The following RGS6 variants were observed in gnomAD, a reference collection of about 807,000 sequenced individuals.
RGS6 encodes the protein regulator of G protein signaling 6, also known as regulator of G-protein signaling 6.
In RGS6, 30 loss-of-function variants were observed where a neutral mutation model predicts 78.5. The observed-to-expected ratio is 0.38, with a 90% CI of 0.29 to 0.52. The LOEUF (loss-of-function observed/expected upper bound fraction) is 0.52. Ranked by LOEUF, RGS6 falls within the 20% of genes least tolerant of loss-of-function variation. The pLI is 0.85. For synonymous variants in RGS6, 206 were observed against 206.0 expected (o/e 1.00, Z 0.00); for missense variants, 495 against 609.7 (o/e 0.81, Z 1.98).
At chr14:72,422,485 T>C (rs1190985580) in intron 3 of RGS6, among the ~76,000 whole-genome samples, 2 of 152,214 alleles carry the variant, frequency 1.3e-5, no homozygotes, top group East Asian at 1.9e-4. Flanking sequence ...AAGTCCAAAC[T>C]GGAGCTGCAG....
intron 13 of RGS6, among the ~76,000 whole-genome samples, chr14:72,497,586 G>A (rs918665161): frequency 2.8e-4 from 43 of 151,858 alleles, no homozygotes; most frequent in African/African-American, 8.7e-4. Context: ...AAACATCATC[G>A]ATTTAAACAA....
At chr14:72,229,561 A>G (rs538007621) in intron 2 of RGS6, among the ~76,000 whole-genome samples, 1 of 152,122 alleles carries the variant, frequency 6.6e-6, no homozygotes, top group Non-Finnish European at 1.5e-5. Context: ...GATTCTGGCC[A>G]CAGCTCTCCC....
chr14:72,010,088 T>A (rs2085374339), intron 2 of RGS6, among the ~76,000 whole-genome samples: 2 of 152,218 alleles, frequency 1.3e-5, no homozygotes, highest in South Asian at 4.1e-4. Context: ...CCATGCCTCT[T>A]CTCTTTTACT....
At chr14:72,542,953 G>A (rs139496535) in intron 17 of RGS6, among the ~76,000 whole-genome samples, 85 of 151,602 alleles carry the variant, frequency 5.6e-4, no homozygotes, top group African/African-American at 1.9e-3. Context: ...GGTGACGAAG[G>A]GGCCTGGTAC....
chr14:71,883,716 C>A, the RGS6 span, among the ~76,000 whole-genome samples: 2 of 152,178 alleles, frequency 1.3e-5, no homozygotes, highest in Middle Eastern at 3.2e-3. Flanking sequence ...AAGATGGCAA[C>A]AAAAGTGACC....
At chr14:72,217,899 A>T (rs765387860) in intron 2 of RGS6, among the ~76,000 whole-genome samples, 7 of 152,210 alleles carry the variant, frequency 4.6e-5, no homozygotes, top group Non-Finnish European at 1.0e-4. Flanking sequence ...GTATTCACAC[A>T]CATTTACACA....
At chr14:72,510,583 C>T (rs191181760) in intron 14 of RGS6, among the ~76,000 whole-genome samples, 2 of 152,334 alleles carry the variant, frequency 1.3e-5, no homozygotes, top group South Asian at 2.1e-4. Flanking sequence ...TCATTAAGTA[C>T]AGCCATAGAA....
intron 2 of RGS6, among the ~76,000 whole-genome samples, chr14:72,121,747 C>A (rs1397981635): frequency 6.6e-6 from 1 of 152,120 alleles, no homozygotes; most frequent in African/African-American, 2.4e-5. Flanking sequence ...CTGCCCATCC[C>A]CAGTATCCCA....
intron 2 of RGS6, among the ~76,000 whole-genome samples, chr14:71,983,099 G>A (rs1216100277): frequency 6.6e-6 from 1 of 152,170 alleles, no homozygotes; most frequent in African/African-American, 2.4e-5. Flanking sequence ...AGATGAGAGA[G>A]GAGGATTCAG....
At chr14:72,111,553 T>C (rs778897552) in intron 2 of RGS6, among the ~76,000 whole-genome samples, 6 of 152,178 alleles carry the variant, frequency 3.9e-5, no homozygotes, top group Non-Finnish European at 8.8e-5. Flanking sequence ...AAAATACGCT[T>C]TGAACAACAA....
At chr14:72,574,270 G>A in the RGS6 span, among the ~76,000 whole-genome samples, 1 of 152,184 alleles carries the variant, frequency 6.6e-6, no homozygotes, top group Non-Finnish European at 1.5e-5. Context: ...CAGCTGGTGA[G>A]CCCACAGAAC....
At chr14:72,470,709 G>C (rs1328563045) in intron 8 of RGS6, among the ~76,000 whole-genome samples, 1 of 151,888 alleles carries the variant, frequency 6.6e-6, no homozygotes, top group East Asian at 1.9e-4. Context: ...GTGAAACCCC[G>C]TCTCTACTAA....
intron 2 of RGS6, among the ~76,000 whole-genome samples, chr14:72,010,965 A>G (rs966881486): frequency 6.6e-6 from 1 of 152,180 alleles, no homozygotes; most frequent in Non-Finnish European, 1.5e-5. Flanking sequence ...ATCTCTGCCC[A>G]CTCATTGCAG....
chr14:72,463,172 G>A (rs536394033), intron 6 of RGS6, among the ~76,000 whole-genome samples: 9 of 152,314 alleles, frequency 5.9e-5, no homozygotes, highest in African/African-American at 2.2e-4. Context: ...ATAGGTAAGG[G>A]TGGAATGCCA....
intron 2 of RGS6, among the ~76,000 whole-genome samples, chr14:72,047,764 G>A (rs938712500): frequency 6.6e-6 from 1 of 151,604 alleles, no homozygotes; most frequent in African/African-American, 2.4e-5. Context: ...TCTCGCTCTT[G>A]TCACCCAGGC....
At chr14:72,535,294 G>A (rs932802725) in intron 15 of RGS6, among the ~76,000 whole-genome samples, 1 of 152,240 alleles carries the variant, frequency 6.6e-6, no homozygotes, top group East Asian at 1.9e-4. Context: ...TTAGTTACAT[G>A]TCCTGTGATG....
At chr14:72,108,270 A>AT (rs2095676004) in intron 2 of RGS6, among the ~76,000 whole-genome samples, 1 of 152,172 alleles carries the variant, frequency 6.6e-6, no homozygotes, top group South Asian at 2.1e-4. Context: ...CTTCTGGCAT[A>AT]AAACCCTGTC....
intron 2 of RGS6, among the ~76,000 whole-genome samples, chr14:72,193,196 G>A (rs1324163866): frequency 2.0e-5 from 3 of 152,158 alleles, no homozygotes; most frequent in East Asian, 1.9e-4. Flanking sequence ...GTTTCGCCAT[G>A]TTGGCCAGGC....
chr14:71,899,590 G>A, the RGS6 span, among the ~76,000 whole-genome samples: 1 of 152,222 alleles, frequency 6.6e-6, no homozygotes, highest in Non-Finnish European at 1.5e-5. Flanking sequence ...ATTGGTTCAA[G>A]TAACCCAGGC....
Sources: gnomAD v4.1 joint callset for allele counts (sites outside exome capture counted in the v4.1 genomes callset) on GRCh38, gnomAD v4.1.1 for gene constraint, MANE v1.5 for transcripts, NCBI Gene and HGNC (gene_info 2026-07-23, HGNC 2026-07-21) for gene names.